Variants in TRPM3 observed in about 807,000 individuals in gnomAD.
TRPM3 encodes transient receptor potential cation channel subfamily M member 3.
In TRPM3, 77 loss-of-function variants were observed where a neutral mutation model predicts 181.2. The ratio of observed to expected loss-of-function variants is 0.42; its 90% CI spans 0.35 to 0.51. The LOEUF (loss-of-function observed/expected upper bound fraction) is 0.51. Ranked by LOEUF, TRPM3 falls within the 20% of genes least tolerant of loss-of-function variation. The pLI is 0.01. For missense variants in TRPM3, 1,759 were observed against 2,196.7 expected, an observed-to-expected ratio of 0.80 and a Z score of 3.98; for synonymous variants, 745 against 796.4, an observed-to-expected ratio of 0.94 and a Z score of 1.09.
intron 1 of TRPM3, among the ~76,000 whole-genome samples, chr9:70,953,183 A>G (rs1359688376): frequency 6.6e-6 from 1 of 152,178 alleles, no homozygotes; most frequent in Non-Finnish European, 1.5e-5. Context: ...CCCATAGTGG[A>G]GAGTTTTGCC....
At chr9:70,588,241 G>C (rs1169092954) in intron 22 of TRPM3, among the ~76,000 whole-genome samples, 1 of 152,162 alleles carries the variant, frequency 6.6e-6, no homozygotes, top group East Asian at 1.9e-4. Context: ...TGATCTCTGT[G>C]TTTAGAACAA....
chr9:70,617,945 A>G (rs1589373102), intron 17 of TRPM3, among the ~76,000 whole-genome samples: 1 of 152,186 alleles, frequency 6.6e-6, no homozygotes, highest in African/African-American at 2.4e-5. Context: ...AGCCTGGGTG[A>G]CAGAGCAAGA....
intron 1 of TRPM3, among the ~76,000 whole-genome samples, chr9:71,164,725 T>C (rs1482545454): frequency 6.6e-6 from 1 of 152,140 alleles, no homozygotes; most frequent in Admixed American, 6.5e-5. Context: ...AGGTGCCAGA[T>C]AGTATTTGAG....
At chr9:71,081,689 A>C (rs1327320710) in intron 1 of TRPM3, among the ~76,000 whole-genome samples, 5 of 152,196 alleles carry the variant, frequency 3.3e-5, no homozygotes, top group African/African-American at 1.2e-4. Context: ...ACATACACAC[A>C]CACAAACAGA....
Position 71,420,659 on chromosome 9 carries a change from AAGAGAAAGAAAG to A in TRPM3, c.183+25982_183+25993del, listed in dbSNP as rs1167052487. Among the ~76,000 whole-genome samples, 209 of 78,486 alleles carry A rather than the reference AAGAGAAAGAAAG, an allele frequency of 2.7e-3. 3 individuals are homozygous for A. Among genetic ancestry groups the A allele is most frequent in the African/African-American group, 6.3e-3 (181 of 28,670 alleles). 51.5% of individuals were successfully genotyped at this position (78,486 alleles called of 152,430 possible). On this transcript the variant is annotated intron_variant, in intron 1 of 24. Transcript: ENST00000357533. ...AAAAAGAGAGAGAAAGAGAAAGAAA[AAGAGAAAGAAAG>A]AGAGAAAGAAAGAGAAAGGGAAAGA... is the stretch of plus-strand genomic sequence containing the variant.
chr9:70,668,039 G>A (rs1410971233), intron 9 of TRPM3, among the ~76,000 whole-genome samples: 1 of 152,166 alleles, frequency 6.6e-6, no homozygotes, highest in Non-Finnish European at 1.5e-5. Flanking sequence ...AGATTCTTGT[G>A]TTTAGTGGAC....
intron 1 of TRPM3, among the ~76,000 whole-genome samples, chr9:71,044,017 TA>T (rs1565058012): frequency 6.6e-6 from 1 of 152,180 alleles, no homozygotes; most frequent in East Asian, 1.9e-4. Flanking sequence ...TATCTCACAA[TA>T]TTCCATTATC....
At chr9:71,194,887 C>A (rs866371313) in intron 1 of TRPM3, among the ~76,000 whole-genome samples, 4 of 152,012 alleles carry the variant, frequency 2.6e-5, no homozygotes, top group South Asian at 2.1e-4. Flanking sequence ...TTACCAAAAT[C>A]TATACTGCAA....
intron 1 of TRPM3, among the ~76,000 whole-genome samples, chr9:71,136,973 T>G (rs1457954483): frequency 6.6e-6 from 1 of 152,144 alleles, no homozygotes; most frequent in Non-Finnish European, 1.5e-5. Flanking sequence ...TTTTTAAGTG[T>G]GCAGTAAATG....
At chr9:70,995,847 G>A (rs956887521) in intron 1 of TRPM3, among the ~76,000 whole-genome samples, 4 of 152,102 alleles carry the variant, frequency 2.6e-5, no homozygotes, top group Non-Finnish European at 5.9e-5. Context: ...TAACTGTCCC[G>A]TCTTGGTGTC....
At chr9:70,606,284 C>A (rs926765730) in intron 19 of TRPM3, among the ~76,000 whole-genome samples, 2 of 152,146 alleles carry the variant, frequency 1.3e-5, no homozygotes. Context: ...CTTTTTGTCT[C>A]CTCTTCCCTT....
rs143597949 is a variant in TRPM3, at chr9:71,414,610, G to A, written c.183+32043C>T. Among the ~76,000 whole-genome samples the A allele has an allele frequency of 6.5e-4, 99 of 152,130 alleles. 1 individual carries two copies. In the Middle Eastern group the frequency reaches 0.01, roughly 16 times the overall value. On this transcript the variant is annotated intron_variant, in intron 1 of 24. Coordinates refer to the TRPM3 transcript ENST00000357533. ...TTAACAATAGGACTGAATATTATAA[G>A]TTGGACTGTCAGGGAAATTCTCAGG... is the stretch of plus-strand genomic sequence containing the variant.
At chr9:71,094,708 T>G (rs1244009848) in intron 1 of TRPM3, among the ~76,000 whole-genome samples, 2 of 152,004 alleles carry the variant, frequency 1.3e-5, no homozygotes, top group Admixed American at 6.6e-5. Flanking sequence ...ATGCATTCGG[T>G]GCATAAAAGT....
chr9:71,315,989 A>G (rs572602073), intron 1 of TRPM3, among the ~76,000 whole-genome samples: 1 of 152,278 alleles, frequency 6.6e-6, no homozygotes, highest in South Asian at 2.1e-4. Context: ...TGGATTTAGA[A>G]ACTGTCTATT....
chr9:71,064,581 T>C (rs1014318805), intron 1 of TRPM3, among the ~76,000 whole-genome samples: 13 of 152,080 alleles, frequency 8.5e-5, no homozygotes, highest in African/African-American at 3.1e-4. Context: ...ACACCCAGCC[T>C]CAAGTGTTTA....
intron 1 of TRPM3, among the ~76,000 whole-genome samples, chr9:71,325,269 A>G (rs965783152): frequency 6.6e-6 from 1 of 152,192 alleles, no homozygotes; most frequent in African/African-American, 2.4e-5. Context: ...GAAATCGGAC[A>G]AATATCAACC....
intron 1 of TRPM3, among the ~76,000 whole-genome samples, chr9:70,987,881 C>T (rs1390050720): frequency 6.6e-6 from 1 of 151,964 alleles, no homozygotes; most frequent in Non-Finnish European, 1.5e-5. Context: ...TCATGCATGT[C>T]ATGTAAATAA....
chr9:70,798,119 A>C (rs10123798), intron 6 of TRPM3, among the ~76,000 whole-genome samples: 28,447 of 152,084 alleles, frequency 0.19, 3,257 homozygotes, highest in East Asian at 0.48. Flanking sequence ...CAGTGGCATG[A>C]TCTTGGCTCA....
At chr9:71,206,383 TAA>T (rs1565341154) in intron 1 of TRPM3, among the ~76,000 whole-genome samples, 2 of 152,218 alleles carry the variant, frequency 1.3e-5, no homozygotes, top group African/African-American at 2.4e-5. Flanking sequence ...GTTGGCCACA[TAA>T]AAGTCTTCTT....
Sources: gnomAD v4.1 joint callset for allele counts (sites outside exome capture counted in the v4.1 genomes callset) on GRCh38, gnomAD v4.1.1 for gene constraint, MANE v1.5 for transcripts, NCBI Gene and HGNC (gene_info 2026-07-23, HGNC 2026-07-21) for gene names.